The following MAGI2 variants were observed in gnomAD, a reference collection of about 807,000 sequenced individuals.
MAGI2 encodes membrane associated guanylate kinase, WW and PDZ domain containing 2, also known as membrane-associated guanylate kinase, WW and PDZ domain-containing protein 2.
A neutral mutation model predicts 133.3 loss-of-function variants in MAGI2; 35 were observed. The ratio of observed to expected loss-of-function variants is 0.26; its 90% CI spans 0.20 to 0.35. The LOEUF is 0.35. MAGI2 is among the 10% of genes least tolerant of loss of function. The probability of loss-of-function intolerance (pLI) is 1.00; values close to 1 mark genes in which losing one functional copy is unlikely to be tolerated. For synonymous variants in MAGI2, 729 were observed against 710.6 expected (o/e 1.03, Z -0.41); for missense variants, 1,636 against 1,863.4 (o/e 0.88, Z 2.25).
At position 78,019,877 on chromosome 7, in the gene MAGI2, T is replaced by A; in HGVS notation, c.3806A>T (p.His1269Leu). 1 of 1,612,938 alleles carries A rather than the reference T, an allele frequency of 6.2e-7. No individual in the cohort carries two copies. Among genetic ancestry groups the A allele is most frequent in the Non-Finnish European group, 8.5e-7 (1 of 1,179,694 alleles). ...DDGLAPFSPS[H>L]PAPPSDPSHQ... ...GGAAGGGTCGGAGGGTGGGGCTGGA[T>A]GTGATGGAGAGAATGGAGCGAGGCC... The change falls in exon 22 of 22, where the codon CAT (histidine) becomes CTT (leucine). Residue 1269 changes from histidine to leucine, a missense_variant. This residue lies in a region of MAGI2 where 354 missense variants were observed against 298.7 expected (regional missense o/e 1.19). Transcript: ENST00000354212.
At position 78,069,539 on chromosome 7, in the gene MAGI2, GGAGAGAGAGA is replaced by G. The variant is rs3840607; in HGVS notation, c.3706+9398_3706+9407del. On this transcript the variant is annotated intron_variant, in intron 21 of 21. Transcript: ENST00000354212. Reference sequence around the variant, plus strand: ...AGAGAGAGATTGAAAGAAAGAGAGAGGAGAGAGAGAGAGAGAGAGAGAGAGAGAGAGAGGC... The same window carrying G: ...AGAGAGAGATTGAAAGAAAGAGAGAGGAGAGAGAGAGAGAGAGAGAGAGGC... Among the ~76,000 whole-genome samples the G allele has an allele frequency of 3.7e-5, 5 of 134,728 alleles. No homozygotes were observed. The East Asian group carries it at 8.7e-4, about 24-fold the overall frequency. The allele number at this position is 134,728 out of a possible 152,430, so 88.4% of individuals were successfully genotyped here.
At chr7:78,542,141 T>C (rs1419586230) in intron 3 of MAGI2, among the ~76,000 whole-genome samples, 1 of 152,232 alleles carries the variant, frequency 6.6e-6, no homozygotes, top group Non-Finnish European at 1.5e-5. Flanking sequence ...CTATGTGATA[T>C]CATTATTCTT....
At chr7:78,725,085 C>CGTT (rs1820636944) in intron 2 of MAGI2, among the ~76,000 whole-genome samples, 2 of 152,256 alleles carry the variant, frequency 1.3e-5, no homozygotes, top group East Asian at 3.9e-4. Context: ...ATTAAAACAA[C>CGTT]GTTGCATTTT....
chr7:79,210,755 C>T (rs916674717), intron 1 of MAGI2, among the ~76,000 whole-genome samples: 1 of 152,044 alleles, frequency 6.6e-6, no homozygotes, highest in African/African-American at 2.4e-5. Context: ...CTTTGGGATG[C>T]ACTTCACATT....
At chr7:79,379,681 G>T (rs1026302977) in intron 1 of MAGI2, among the ~76,000 whole-genome samples, 1 of 151,922 alleles carries the variant, frequency 6.6e-6, no homozygotes, top group Non-Finnish European at 1.5e-5. Flanking sequence ...GTATCTCATT[G>T]TGGTTTTGAT....
intron 6 of MAGI2, among the ~76,000 whole-genome samples, chr7:78,478,526 T>C (rs914909528): frequency 6.6e-6 from 1 of 151,976 alleles, no homozygotes; most frequent in Admixed American, 6.6e-5. Flanking sequence ...ACAGAGTAGA[T>C]TCAACAGAGA....
intron 21 of MAGI2, among the ~76,000 whole-genome samples, chr7:78,076,794 C>A (rs1230080619): frequency 3.1e-5 from 4 of 130,446 alleles, no homozygotes; most frequent in African/African-American, 1.2e-4. Context: ...TGCAGTGAGC[C>A]GAGATTGCGC....
At chr7:78,487,894 C>T (rs1793209610) in intron 6 of MAGI2, among the ~76,000 whole-genome samples, 1 of 152,012 alleles carries the variant, frequency 6.6e-6, no homozygotes, top group Non-Finnish European at 1.5e-5. Flanking sequence ...AGTTCAATAG[C>T]AATCCATTAA....
At chr7:78,304,442 C>T (rs1798090543) in intron 9 of MAGI2, among the ~76,000 whole-genome samples, 1 of 152,146 alleles carries the variant, frequency 6.6e-6, no homozygotes, top group South Asian at 2.1e-4. Context: ...CAGATGTTAC[C>T]TGTTTAGAAA....
intron 15 of MAGI2, among the ~76,000 whole-genome samples, chr7:78,161,204 C>G (rs1171131432): frequency 6.6e-6 from 1 of 152,064 alleles, no homozygotes; most frequent in Non-Finnish European, 1.5e-5. Flanking sequence ...GAGAAAAAGC[C>G]AGCATATTTC....
chr7:79,225,889 G>A (rs1830809297), intron 1 of MAGI2, among the ~76,000 whole-genome samples: 1 of 152,102 alleles, frequency 6.6e-6, no homozygotes, highest in Admixed American at 6.6e-5. Flanking sequence ...TGATTATGAT[G>A]CAGAGCTGTT....
intron 1 of MAGI2, among the ~76,000 whole-genome samples, chr7:79,206,148 C>T (rs1471327199): frequency 1.3e-5 from 2 of 150,838 alleles, no homozygotes; most frequent in Admixed American, 6.6e-5. Flanking sequence ...AAATAAATAA[C>T]CTAATGTTGC....
chr7:79,407,368 C>T (rs117984120), intron 1 of MAGI2, among the ~76,000 whole-genome samples: 395 of 152,224 alleles, frequency 2.6e-3, no homozygotes, highest in Non-Finnish European at 4.6e-3. Flanking sequence ...TATCTCAGCT[C>T]CTAGCCTTAA....
rs71085515 is a variant in MAGI2, at chr7:78,208,135, C to CTTTTT, written c.2048-6947_2048-6943dup. 8.8e-3 allele frequency among the ~76,000 whole-genome samples: 1,016 copies of CTTTTT among 115,476 alleles called. 22 individuals carry two copies. The highest frequency in any genetic ancestry group is 0.019 in the East Asian group (65 of 3,502). 75.8% of individuals were successfully genotyped at this position (115,476 alleles called of 152,430 possible). ...CATCCACCTCGGCCTCCCAAAGTGG[C>CTTTTT]TTTTTTTTTTTTTTTTTTTTAATAT... On this transcript the variant is annotated intron_variant, in intron 10 of 21. Coordinates refer to ENST00000354212, the MANE Select transcript of MAGI2 (RefSeq NM_012301.4).
chr7:78,479,862 T>C (rs1792176594), intron 6 of MAGI2, among the ~76,000 whole-genome samples: 1 of 151,878 alleles, frequency 6.6e-6, no homozygotes, highest in Non-Finnish European at 1.5e-5. Flanking sequence ...AACAAGCAAT[T>C]ATGAATTCTC....
intron 1 of MAGI2, among the ~76,000 whole-genome samples, chr7:79,008,420 C>T (rs1208218924): frequency 2.0e-5 from 3 of 152,056 alleles, no homozygotes; most frequent in Non-Finnish European, 2.9e-5. Flanking sequence ...ATTTCAGTTG[C>T]CTCCTAATCT....
intron 1 of MAGI2, among the ~76,000 whole-genome samples, chr7:79,297,544 A>G (rs1585474057): frequency 1.3e-5 from 2 of 152,306 alleles, no homozygotes. Context: ...ATATTTATTA[A>G]TAACCTGCAG....
chr7:78,741,428 C>CAAAA, intron 2 of MAGI2, among the ~76,000 whole-genome samples: 1 of 116,112 alleles, frequency 8.6e-6, no homozygotes, highest in Non-Finnish European at 1.7e-5. Context: ...CACACACACA[C>CAAAA]GGGAGGGGGG....
At chr7:78,198,820 G>A (rs532667734) in intron 11 of MAGI2, among the ~76,000 whole-genome samples, 1 of 152,172 alleles carries the variant, frequency 6.6e-6, no homozygotes, top group Admixed American at 6.5e-5. Flanking sequence ...TTTTGGGCAG[G>A]GTTGGAAGAT....
Sources: gnomAD v4.1 joint callset for allele counts (sites outside exome capture counted in the v4.1 genomes callset) on GRCh38, gnomAD v4.1.1 for gene constraint, gnomAD v4.1.1 regional missense constraint, MANE v1.5 for transcripts, NCBI Gene and HGNC (gene_info 2026-07-23, HGNC 2026-07-21) for gene names.